Variants in DMD observed in about 807,000 individuals in gnomAD.
The protein encoded by DMD is mutant dystrophin.
In DMD, 63 loss-of-function variants were observed where a neutral mutation model predicts 330.1. The ratio of observed to expected loss-of-function variants is 0.19; its 90% CI spans 0.16 to 0.24. DMD has a LOEUF of 0.24. Among genes scored for constraint, DMD ranks in the 10% least tolerant of loss-of-function variants. The pLI, the probability that DMD is intolerant of heterozygous loss-of-function variation, is 1.00. For synonymous variants in DMD, 1,223 were observed against 959.8 expected (o/e 1.27, Z -5.07); for missense variants, 3,344 against 2,684.1 (o/e 1.25, Z -5.43).
At chrX:31,183,216 G>A (rs190187795) in intron 67 of DMD, among the ~76,000 whole-genome samples, 1 of 106,947 alleles carries the variant, frequency 9.4e-6, no homozygotes, top group African/African-American at 3.4e-5. Context: ...ACTTTATTTA[G>A]CTTTAATTTT....
intron 2 of DMD, among the ~76,000 whole-genome samples, chrX:32,904,899 T>A (rs915368281): frequency 1.4e-4 from 16 of 112,088 alleles, no homozygotes; most frequent in Admixed American, 5.7e-4. Context: ...TGGTGTATGA[T>A]TCAAGTGACT....
intron 63 of DMD, among the ~76,000 whole-genome samples, chrX:31,258,298 T>C (rs2050170205): frequency 8.9e-6 from 1 of 112,492 alleles, no homozygotes; most frequent in African/African-American, 3.2e-5. Context: ...GTTGATACCA[T>C]CCACCATGCA....
chrX:31,408,680 T>A (rs2061506850), intron 60 of DMD, among the ~76,000 whole-genome samples: 1 of 109,946 alleles, frequency 9.1e-6, no homozygotes, highest in South Asian at 3.9e-4. Flanking sequence ...ATTACAGGCG[T>A]GAGCCACTGC....
chrX:32,617,609 A>G (rs1187065815), intron 11 of DMD, among the ~76,000 whole-genome samples: 1 of 111,594 alleles, frequency 9.0e-6, no homozygotes, highest in East Asian at 2.8e-4. Context: ...CTCTCAATCT[A>G]TTAGTAGAAA....
intron 1 of DMD, among the ~76,000 whole-genome samples, chrX:33,304,113 C>T (rs189004435): frequency 8.1e-5 from 9 of 110,726 alleles, no homozygotes; most frequent in East Asian, 5.7e-4. Context: ...TTGCTTGTAA[C>T]GGTCACCAAT....
intron 67 of DMD, among the ~76,000 whole-genome samples, chrX:31,198,023 T>TTAA (rs768446243): frequency 9.2e-5 from 6 of 64,927 alleles, no homozygotes; most frequent in Admixed American, 2.1e-4. Flanking sequence ...GTGTGGGAGC[T>TTAA]AAAAAAAAAA....
intron 67 of DMD, among the ~76,000 whole-genome samples, chrX:31,189,760 T>C (rs1267806275): frequency 1.8e-5 from 2 of 112,558 alleles, no homozygotes; most frequent in South Asian, 3.7e-4. Flanking sequence ...AAAAGGAAGA[T>C]TATAAAATCT....
At chrX:31,565,098 T>C (rs2075396439) in intron 55 of DMD, among the ~76,000 whole-genome samples, 1 of 112,142 alleles carries the variant, frequency 8.9e-6, no homozygotes, top group Admixed American at 9.4e-5. Context: ...TGTTCACATG[T>C]AGTTGTGAGA....
intron 7 of DMD, among the ~76,000 whole-genome samples, chrX:32,733,148 G>C (rs1222722408): frequency 1.8e-5 from 2 of 109,154 alleles, no homozygotes; most frequent in African/African-American, 3.4e-5. Flanking sequence ...AACCAACAAA[G>C]ATCAAAAGAG....
At chrX:33,052,586 G>A (rs2094469993) in intron 1 of DMD, among the ~76,000 whole-genome samples, 1 of 111,871 alleles carries the variant, frequency 8.9e-6, no homozygotes, top group Non-Finnish European at 1.9e-5. Context: ...AGAAAAAGAA[G>A]CTAGAACAAG....
chrX:32,672,143 A>G, intron 9 of DMD, among the ~76,000 whole-genome samples: 2 of 111,548 alleles, frequency 1.8e-5, no homozygotes, highest in Middle Eastern at 4.7e-3. Context: ...TTTTGAATAT[A>G]TTAGTTGTGG....
chrX:32,535,043 T>G (rs1364761505), intron 17 of DMD, among the ~76,000 whole-genome samples: 1 of 111,625 alleles, frequency 9.0e-6, no homozygotes, highest in Admixed American at 9.5e-5. Flanking sequence ...GAAACTCAAC[T>G]TTCTCCTGGG....
At chrX:31,154,389 G>A (rs182285161) in intron 74 of DMD, among the ~76,000 whole-genome samples, 3 of 109,771 alleles carry the variant, frequency 2.7e-5, no homozygotes, top group Admixed American at 9.7e-5. Context: ...TCTGCCTCCT[G>A]GGTTCACATT....
intron 2 of DMD, among the ~76,000 whole-genome samples, chrX:33,005,583 G>C (rs777038917): frequency 1.2e-4 from 12 of 104,176 alleles, no homozygotes; most frequent in African/African-American, 4.1e-4. Context: ...AGTTAGGAGA[G>C]AAATAATTGT....
rs186645256 is a variant in DMD, at chrX:32,545,416, T to A, written c.1993-82A>T. The stretch of plus-strand genomic sequence containing the variant: ...TGCTTGGAGTGGCAAAGGAAAATAA[T>A]GAGAAACTGTTCTTGCTTGTTGGTA... On this transcript the variant is annotated intron_variant, in intron 16 of 78. Transcript: ENST00000357033. 5 of 949,168 alleles carry A rather than the reference T, an allele frequency of 5.3e-6. No homozygotes were observed. In the African/African-American group the frequency reaches 7.7e-5, roughly 15 times the overall value. The allele number at this position is 949,168 out of a possible 1,213,427, so 78.2% of individuals were successfully genotyped here.
At chrX:31,766,811 G>GA (rs2090022937) in intron 51 of DMD, among the ~76,000 whole-genome samples, 1 of 110,457 alleles carries the variant, frequency 9.1e-6, no homozygotes, top group African/African-American at 3.3e-5. Context: ...GTTTCTTTAA[G>GA]AAAAAAGCAT....
At chrX:32,676,365 A>G in intron 9 of DMD, among the ~76,000 whole-genome samples, 1 of 110,949 alleles carries the variant, frequency 9.0e-6, no homozygotes, top group Middle Eastern at 4.6e-3. Context: ...AATCTACCAG[A>G]TTTTCAACAT....
intron 45 of DMD, among the ~76,000 whole-genome samples, chrX:31,941,800 T>C (rs1277787244): frequency 8.9e-6 from 1 of 111,792 alleles, no homozygotes; most frequent in Admixed American, 9.5e-5. Flanking sequence ...TTTCTGTTCC[T>C]GCATTAATTC....
intron 41 of DMD, among the ~76,000 whole-genome samples, chrX:32,316,237 A>G: frequency 9.0e-6 from 1 of 111,571 alleles, no homozygotes; most frequent in Non-Finnish European, 1.9e-5. Flanking sequence ...AATCAATAAA[A>G]AGGTATAGTT....
Sources: gnomAD v4.1 joint callset for allele counts (sites outside exome capture counted in the v4.1 genomes callset) on GRCh38, gnomAD v4.1.1 for gene constraint, MANE v1.5 for transcripts, NCBI Gene and HGNC (gene_info 2026-07-23, HGNC 2026-07-21) for gene names.